MRPS6: variants seen among roughly 807,000 people sequenced by gnomAD.
MRPS6 encodes the protein small ribosomal subunit protein bS6m.
In MRPS6, 6 loss-of-function variants were observed where a neutral mutation model predicts 13.1. The observed-to-expected ratio is 0.46, with a 90% CI of 0.25 to 0.91. MRPS6 has a LOEUF of 0.91. MRPS6 is among the 40% of genes least tolerant of loss of function. The probability of loss-of-function intolerance (pLI) is 0.18; values close to 1 mark genes in which losing one functional copy is unlikely to be tolerated. For missense variants in MRPS6, 164 were observed against 155.6 expected, an observed-to-expected ratio of 1.05 and a Z score of -0.29; for synonymous variants, 61 against 56.5, an observed-to-expected ratio of 1.08 and a Z score of -0.36.
chr21:34,142,468 G>C lies in MRPS6; in HGVS notation c.246G>C (p.Leu82Phe), dbSNP rs1346860788. Residue 82 changes from leucine to phenylalanine, a missense_variant, in exon 3 of 3, where the codon TTG becomes TTC. By Grantham distance (22) the Leu-to-Phe change is conservative. Coordinates refer to ENST00000399312, the MANE Select transcript of MRPS6 (RefSeq NM_032476.4). ...TAAVESMVEH[L>F]SRDIDVIRGN... ...CTGTTGAAAGCATGGTGGAGCACTT[G>C]TCTCGAGATATAGATGTGATTAGAG... 6.2e-7 allele frequency: 1 copy of C among 1,610,460 alleles called. No individual in the cohort carries two copies. Among genetic ancestry groups the C allele is most frequent in the South Asian group, 1.1e-5 (1 of 89,876 alleles).
intron 2 of MRPS6, among the ~76,000 whole-genome samples, chr21:34,133,600 T>G (rs1320655773): frequency 6.6e-6 from 1 of 152,192 alleles, no homozygotes; most frequent in Non-Finnish European, 1.5e-5. Context: ...GGCTTGGACT[T>G]CCTGTGGACT....
At chr21:34,079,523 C>G (rs978645428) in intron 1 of MRPS6, among the ~76,000 whole-genome samples, 3 of 151,488 alleles carry the variant, frequency 2.0e-5, no homozygotes, top group Admixed American at 6.6e-5. Context: ...GCAACCTCTG[C>G]CTCCTGGGTT....
At chr21:34,095,448 T>C (rs73196582) in intron 1 of MRPS6, 1 of 1,614,134 alleles carries the variant, frequency 6.2e-7, no homozygotes, top group Non-Finnish European at 8.5e-7. Flanking sequence ...CGCATGGGAA[T>C]TCAATGCCTT....
chr21:34,132,720 C>CTGGGCTT, intron 2 of MRPS6, among the ~76,000 whole-genome samples: 1 of 152,158 alleles, frequency 6.6e-6, no homozygotes, highest in Non-Finnish European at 1.5e-5. Context: ...CAGTTCCCCT[C>CTGGGCTT]TGGGCTTCAG....
intron 1 of MRPS6, chr21:34,105,441 C>T: frequency 1.0e-6 from 1 of 999,146 alleles, no homozygotes; most frequent in Non-Finnish European, 1.2e-6. Flanking sequence ...TATTTTTAAG[C>T]CAAATGTCAG....
intron 1 of MRPS6, among the ~76,000 whole-genome samples, chr21:34,107,903 T>C (rs1979542687): frequency 6.6e-6 from 1 of 152,226 alleles, no homozygotes; most frequent in Non-Finnish European, 1.5e-5. Flanking sequence ...GGGCATTTAG[T>C]AGAGTGGCTT....
At chr21:34,139,225 T>C (rs985487105) in intron 2 of MRPS6, among the ~76,000 whole-genome samples, 3 of 147,580 alleles carry the variant, frequency 2.0e-5, no homozygotes, top group African/African-American at 7.4e-5. Context: ...TTAGGAGATA[T>C]TCCTAATGCT....
At chr21:34,104,235 T>C in intron 1 of MRPS6, 1 of 1,000,186 alleles carries the variant, frequency 1.0e-6, no homozygotes, top group Non-Finnish European at 1.2e-6. Flanking sequence ...GCTACTTTGC[T>C]TTTCACAATG....
At chr21:34,118,776 A>G (rs990244360) in intron 1 of MRPS6, among the ~76,000 whole-genome samples, 13 of 152,094 alleles carry the variant, frequency 8.5e-5, no homozygotes, top group African/African-American at 3.1e-4. Flanking sequence ...TGGCATCCCA[A>G]AGTGCTGGGA....
rs369103750 is a variant in MRPS6 at position 34,089,153 on chromosome 21, G to C, written c.45+15408G>C. ...AGCGATCCTCTTGCCACAGCCTCCT[G>C]AGTAGCTGGGATTACAGGCGTGTGC... On this transcript the variant is annotated intron_variant, in intron 1 of 2. Transcript: ENST00000399312. Among the ~76,000 whole-genome samples the C allele has an allele frequency of 1.7e-3, 259 of 152,050 alleles. 2 individuals carry two copies. Among genetic ancestry groups the C allele is most frequent in the African/African-American group, 6.0e-3 (250 of 41,446 alleles).
At chr21:34,135,380 C>A in intron 2 of MRPS6, 1 of 95,136 alleles carries the variant, frequency 1.1e-5, no homozygotes. Context: ...TTTGTGGTGG[C>A]GTGGGGTTAC....
intron 1 of MRPS6, chr21:34,104,558 A>C (rs191566121): frequency 1.0e-6 from 1 of 998,786 alleles, no homozygotes; most frequent in African/African-American, 1.7e-5. Context: ...AAGGAAGACT[A>C]TATCTGGTGT....
chr21:34,135,668 C>T, intron 2 of MRPS6: 1 of 380,428 alleles, frequency 2.6e-6, no homozygotes, highest in South Asian at 2.2e-5. Context: ...CACCCAAAGC[C>T]TGTGGAGTCC....
Position 34,099,533 on chromosome 21 carries a change from G to T in MRPS6, c.45+25788G>T, listed in dbSNP as rs1034165462. ...GAACCACATTACTGTGTAATTCACT[G>T]ATAATTGACATATTGGCTGGGCAGC... On this transcript the variant is annotated intron_variant, in intron 1 of 2. Coordinates refer to ENST00000399312, the MANE Select transcript of MRPS6 (RefSeq NM_032476.4). The T allele has an allele frequency of 5.3e-5, 53 of 999,486 alleles. No homozygotes were observed. The Middle Eastern group carries it at 2.1e-3, about 39-fold the overall frequency. The allele number at this position is 999,486 out of a possible 1,614,324, so 61.9% of individuals were successfully genotyped here.
chr21:34,111,419 T>A (rs936943505), intron 1 of MRPS6, among the ~76,000 whole-genome samples: 1 of 152,206 alleles, frequency 6.6e-6, no homozygotes, highest in Admixed American at 6.5e-5. Flanking sequence ...GTCTCTGGCT[T>A]TTACTCCCAA....
intron 1 of MRPS6, chr21:34,104,536 T>G (rs968809983): frequency 1.0e-6 from 1 of 997,732 alleles, no homozygotes; most frequent in African/African-American, 1.7e-5. Flanking sequence ...TGGTCAACTC[T>G]AATATATCTA....
intron 1 of MRPS6, among the ~76,000 whole-genome samples, chr21:34,112,266 C>T (rs1200253238): frequency 6.6e-6 from 1 of 152,014 alleles, no homozygotes; most frequent in Non-Finnish European, 1.5e-5. Flanking sequence ...TTCTTTGGAC[C>T]TCCAGCATCT....
At chr21:34,098,073 A>G in intron 1 of MRPS6, 3 of 999,316 alleles carry the variant, frequency 3.0e-6, no homozygotes, top group Non-Finnish European at 3.6e-6. Context: ...GTTACATGTC[A>G]TGATTGTGTT....
chr21:34,074,818 C>G (rs1276775989), intron 1 of MRPS6, among the ~76,000 whole-genome samples: 2 of 152,220 alleles, frequency 1.3e-5, no homozygotes, highest in Non-Finnish European at 2.9e-5. Context: ...GGAGTATTAC[C>G]AAGTTTGGTT....
Sources: gnomAD v4.1 joint callset for allele counts (sites outside exome capture counted in the v4.1 genomes callset) on GRCh38, gnomAD v4.1.1 for gene constraint, MANE v1.5 for transcripts, NCBI Gene and HGNC (gene_info 2026-07-23, HGNC 2026-07-21) for gene names.